The following TBC1D19 variants were observed in gnomAD, a reference collection of about 807,000 sequenced individuals.
TBC1D19 encodes TBC1 domain family member 19.
TBC1D19 carries 60 observed loss-of-function variants against 89.0 expected under a neutral mutation model. That is an observed-to-expected ratio of 0.67 (90% CI 0.55 to 0.84). The LOEUF (loss-of-function observed/expected upper bound fraction) is 0.84, where lower values mean the gene tolerates loss of function less well. Ranked by LOEUF, TBC1D19 falls within the 40% of genes least tolerant of loss-of-function variation. The pLI is 0.00. For synonymous variants in TBC1D19, 189 were observed against 199.7 expected (o/e 0.95, Z 0.45); for missense variants, 500 against 610.8 (o/e 0.82, Z 1.91).
At chr4:26,632,012 A>G (rs1742833099) in intron 4 of TBC1D19, among the ~76,000 whole-genome samples, 1 of 152,148 alleles carries the variant, frequency 6.6e-6, no homozygotes, top group African/African-American at 2.4e-5. Context: ...CACTTTACAG[A>G]AAATACCTGA....
At chr4:26,801,326 G>A in the TBC1D19 span, among the ~76,000 whole-genome samples, 4 of 152,096 alleles carry the variant, frequency 2.6e-5, no homozygotes, top group African/African-American at 9.7e-5. Context: ...GTAGATATGC[G>A]GCATTATTTC....
chr4:26,691,281 C>CGTGT (rs1714260182), intron 13 of TBC1D19, among the ~76,000 whole-genome samples: 5 of 152,196 alleles, frequency 3.3e-5, no homozygotes, highest in African/African-American at 4.8e-5. Flanking sequence ...AGCTACTATA[C>CGTGT]ACATTGTTGA....
intron 14 of TBC1D19, among the ~76,000 whole-genome samples, chr4:26,719,632 T>C (rs927610799): frequency 1.3e-5 from 2 of 152,144 alleles, no homozygotes; most frequent in Admixed American, 6.6e-5. Context: ...TGAACTGTTT[T>C]GGTATTCAGA....
chr4:26,678,630 G>T (rs1713060492), intron 11 of TBC1D19, among the ~76,000 whole-genome samples: 1 of 151,974 alleles, frequency 6.6e-6, no homozygotes, highest in African/African-American at 2.4e-5. Flanking sequence ...AATGGGACAG[G>T]GAAACAATCA....
At chr4:26,827,194 T>C in the TBC1D19 span, among the ~76,000 whole-genome samples, 1 of 152,216 alleles carries the variant, frequency 6.6e-6, no homozygotes, top group Non-Finnish European at 1.5e-5. Context: ...GGCAAATGCT[T>C]ATAAAGATGG....
At chr4:26,832,957 G>T in the TBC1D19 span, among the ~76,000 whole-genome samples, 1 of 152,096 alleles carries the variant, frequency 6.6e-6, no homozygotes, top group East Asian at 1.9e-4. Context: ...TTGAGCTACC[G>T]CACTCTGGCC....
intron 6 of TBC1D19, 113 bp from the exon 7 acceptor site, chr4:26,640,028 A>G (rs1743393114): frequency 1.4e-6 from 1 of 734,978 alleles, no homozygotes; most frequent in Non-Finnish European, 2.2e-6. Context: ...TTCTCAAGAA[A>G]TGTTTGAATT....
intron 12 of TBC1D19, among the ~76,000 whole-genome samples, chr4:26,685,207 G>C (rs1039817404): frequency 6.6e-6 from 1 of 152,218 alleles, no homozygotes; most frequent in Non-Finnish European, 1.5e-5. Flanking sequence ...TGGGGCTACT[G>C]TTAAGGTGTG....
At chr4:26,664,199 A>G (rs1471048344) in intron 8 of TBC1D19, among the ~76,000 whole-genome samples, 1 of 152,142 alleles carries the variant, frequency 6.6e-6, no homozygotes, top group African/African-American at 2.4e-5. Context: ...GATAAAGGAT[A>G]ATATATGTGC....
chr4:26,641,843 A>G (rs1426033776), intron 7 of TBC1D19, among the ~76,000 whole-genome samples: 1 of 152,240 alleles, frequency 6.6e-6, no homozygotes, highest in Non-Finnish European at 1.5e-5. Context: ...TTGAAGATCA[A>G]ATGAATGAAA....
At chr4:26,733,460 GAC>G (rs58852557) in intron 15 of TBC1D19, among the ~76,000 whole-genome samples, 137,987 of 149,732 alleles carry the variant, frequency 0.92, 64,136 homozygotes, top group Non-Finnish European at 0.99. Flanking sequence ...CATATGCAAA[GAC>G]ACACACACAC....
In TBC1D19 at chr4:26,638,674, T is replaced by C. The variant is rs563553143; in HGVS notation, c.370-97T>C. The C allele has an allele frequency of 2.3e-4, 209 of 909,832 alleles. 1 individual carries two copies. The South Asian group carries it at 3.3e-3, about 15-fold the overall frequency. 56.4% of individuals were successfully genotyped at this position (909,832 alleles called of 1,614,324 possible). On this transcript the variant is annotated intron_variant, in intron 5 of 20. Coordinates refer to ENST00000264866, the MANE Select transcript of TBC1D19 (RefSeq NM_018317.4). Reference sequence around the variant, plus strand: ...ATGAAATTATACTGTTATGGTCATTTATTTAGCTTTTAAATAAGTTATTGA... The same window carrying C: ...ATGAAATTATACTGTTATGGTCATTCATTTAGCTTTTAAATAAGTTATTGA...
chr4:26,710,300 T>G (rs561933344), intron 13 of TBC1D19, among the ~76,000 whole-genome samples: 1 of 151,036 alleles, frequency 6.6e-6, no homozygotes, highest in South Asian at 2.1e-4. Context: ...TTTGTCCTTG[T>G]GATAGTTTGC....
chr4:26,779,361 C>T, the TBC1D19 span, among the ~76,000 whole-genome samples: 135,348 of 152,240 alleles, frequency 0.89, 62,420 homozygotes, highest in East Asian at 1. Context: ...TACAAGGCTC[C>T]CCAGGTTACT....
intron 1 of TBC1D19, among the ~76,000 whole-genome samples, chr4:26,597,021 CAT>C (rs937703472): frequency 1.5e-4 from 23 of 152,254 alleles, no homozygotes; most frequent in African/African-American, 5.5e-4. Flanking sequence ...CGTGTGACCT[CAT>C]AAAGAATGTT....
intron 13 of TBC1D19, among the ~76,000 whole-genome samples, chr4:26,692,683 A>C (rs1448778457): frequency 6.6e-6 from 1 of 152,252 alleles, no homozygotes; most frequent in Non-Finnish European, 1.5e-5. Flanking sequence ...AACACTTAAG[A>C]GTAACAAGCT....
At chr4:26,584,903 C>T (rs1008461851) in intron 1 of TBC1D19, 2 of 187,260 alleles carry the variant, frequency 1.1e-5, no homozygotes, top group Middle Eastern at 1.4e-3. Context: ...ACAGTTTGTA[C>T]ATTTTGTGCC....
At chr4:26,774,058 C>G in the TBC1D19 span, among the ~76,000 whole-genome samples, 1 of 152,142 alleles carries the variant, frequency 6.6e-6, no homozygotes, top group African/African-American at 2.4e-5. Context: ...TTTTCTCCTA[C>G]CCCTTCCCTT....
chr4:26,655,853 A>C (rs1169557251), intron 7 of TBC1D19, among the ~76,000 whole-genome samples: 2 of 152,166 alleles, frequency 1.3e-5, no homozygotes, highest in Non-Finnish European at 2.9e-5. Context: ...GCTTCAGCTC[A>C]TGCTCAGTGC....
Sources: gnomAD v4.1 joint callset for allele counts (sites outside exome capture counted in the v4.1 genomes callset) on GRCh38, gnomAD v4.1.1 for gene constraint, MANE v1.5 for transcripts, NCBI Gene and HGNC (gene_info 2026-07-23, HGNC 2026-07-21) for gene names.